Variants in ASB3 observed in about 807,000 individuals in gnomAD.
The protein encoded by ASB3 is ankyrin repeat and SOCS box protein 3.
Under a neutral mutation model 54.5 loss-of-function variants are expected in ASB3, and 41 were observed. The observed-to-expected ratio is 0.75, with a 90% CI of 0.59 to 0.98. The LOEUF is 0.98. ASB3 is among the 50% of genes least tolerant of loss of function. The probability of loss-of-function intolerance (pLI) is 0.00; values close to 1 mark genes in which losing one functional copy is unlikely to be tolerated. For missense variants in ASB3, 733 were observed against 620.0 expected, an observed-to-expected ratio of 1.18 and a Z score of -1.94; for synonymous variants, 266 against 221.2, an observed-to-expected ratio of 1.20 and a Z score of -1.80.
At chr2:53,712,365 G>A (rs570194998) in intron 7 of ASB3, among the ~76,000 whole-genome samples, 1 of 152,250 alleles carries the variant, frequency 6.6e-6, no homozygotes, top group Non-Finnish European at 1.5e-5. Flanking sequence ...AGTTTAACAG[G>A]ATCTATTTAG....
chr2:53,780,283 C>T (rs945476352), intron 1 of ASB3, among the ~76,000 whole-genome samples: 7 of 152,074 alleles, frequency 4.6e-5, no homozygotes, highest in Non-Finnish European at 1.0e-4. Context: ...ACTCCCCTGC[C>T]CCTCATGCTC....
intron 7 of ASB3, among the ~76,000 whole-genome samples, chr2:53,712,780 G>A (rs3770401): frequency 0.088 from 13,432 of 152,084 alleles, 638 homozygotes; most frequent in East Asian, 0.17. Flanking sequence ...GCGCGCGCGC[G>A]CGCGCAATCC....
intron 8 of ASB3, among the ~76,000 whole-genome samples, chr2:53,698,375 T>C (rs1450137522): frequency 1.3e-5 from 2 of 152,218 alleles, no homozygotes; most frequent in Non-Finnish European, 2.9e-5. Flanking sequence ...GTTCCTCTCC[T>C]GAAAATTCTC....
chr2:53,764,975 T>A (rs926139208), intron 2 of ASB3, among the ~76,000 whole-genome samples: 1 of 152,224 alleles, frequency 6.6e-6, no homozygotes, highest in Non-Finnish European at 1.5e-5. Flanking sequence ...CCCAAAAGTA[T>A]TAAAAAGTGT....
At chr2:53,734,465 C>G (rs1378415620) in intron 3 of ASB3, among the ~76,000 whole-genome samples, 1 of 152,208 alleles carries the variant, frequency 6.6e-6, no homozygotes, top group Non-Finnish European at 1.5e-5. Flanking sequence ...CATTTTCCCA[C>G]AAATCACTCA....
At chr2:53,714,625 G>C (rs760526270) in intron 6 of ASB3, 44 bp from the exon 7 acceptor site, 2 of 1,581,286 alleles carry the variant, frequency 1.3e-6, no homozygotes, top group Admixed American at 1.9e-5. Flanking sequence ...TTGTATATGT[G>C]CATAAATGTA....
chr2:53,682,211 G>A (rs930983180), intron 9 of ASB3, among the ~76,000 whole-genome samples: 1 of 151,424 alleles, frequency 6.6e-6, no homozygotes, highest in Non-Finnish European at 1.5e-5. Flanking sequence ...TGTGAAGAAT[G>A]TCATTGGTAT....
At chr2:53,772,320 G>A (rs929753657) in intron 1 of ASB3, among the ~76,000 whole-genome samples, 4 of 152,002 alleles carry the variant, frequency 2.6e-5, no homozygotes, top group East Asian at 3.9e-4. Flanking sequence ...GACTACAGGC[G>A]CCCGCCACCA....
At chr2:53,757,087 C>G (rs564753903) in intron 2 of ASB3, 1 of 156,724 alleles carries the variant, frequency 6.4e-6, no homozygotes, top group South Asian at 1.9e-4. Context: ...AACAAGGACC[C>G]CCCAGTAACA....
Position 53,728,743 on chromosome 2 carries a change from C to T in ASB3, c.573G>A (p.Lys191=). Residue 191 remains lysine, a synonymous_variant, in exon 5 of 10, where the codon AAG becomes AAA. Coordinates refer to ENST00000263634, the MANE Select transcript of ASB3 (RefSeq NM_016115.5). Reference sequence around the variant, plus strand: ...AAATAAGTATGCTCAAGCTTTCTAGCTTGCCATACTGAGCAGCCACAAATA... The same window carrying T: ...AAATAAGTATGCTCAAGCTTTCTAGTTTGCCATACTGAGCAGCCACAAATA... ...TPLFVAAQYG[K]LESLSILISS... The T allele has an allele frequency of 6.2e-7, 1 of 1,609,528 alleles. No individual in the cohort carries two copies. Among genetic ancestry groups the T allele is most frequent in the South Asian group, 1.1e-5 (1 of 90,174 alleles).
At chr2:53,730,263 T>A in intron 3 of ASB3, among the ~76,000 whole-genome samples, 1 of 152,132 alleles carries the variant, frequency 6.6e-6, no homozygotes, top group East Asian at 1.9e-4. Flanking sequence ...CTTTATAAAA[T>A]AAGTACAAAC....
At chr2:53,736,373 A>C (rs1176096417) in intron 3 of ASB3, among the ~76,000 whole-genome samples, 1 of 152,198 alleles carries the variant, frequency 6.6e-6, no homozygotes, top group African/African-American at 2.4e-5. Flanking sequence ...TGGAACTATC[A>C]TATCCAGGTG....
At chr2:53,761,050 G>A (rs768593501) in intron 2 of ASB3, among the ~76,000 whole-genome samples, 26 of 152,244 alleles carry the variant, frequency 1.7e-4, no homozygotes, top group Non-Finnish European at 2.4e-4. Flanking sequence ...AAGAGCAGTC[G>A]TCGGCCAACC....
At position 53,684,822 on chromosome 2, in the gene ASB3, C is replaced by T. The variant is rs375871207; in HGVS notation, c.1369+9062G>A. 9.2e-5 allele frequency among the ~76,000 whole-genome samples: 14 copies of T among 152,100 alleles called. No individual in the cohort carries two copies. In the East Asian group the frequency reaches 2.5e-3, roughly 27 times the overall value. On this transcript the variant is annotated intron_variant, in intron 9 of 9. Coordinates refer to ENST00000263634, the MANE Select transcript of ASB3 (RefSeq NM_016115.5). Reference sequence around the variant, plus strand: ...AAACCTAATGAGACCCTTAATGTAGCCAATATGTAAAAGAGAGAGGAAATG... The same window carrying T: ...AAACCTAATGAGACCCTTAATGTAGTCAATATGTAAAAGAGAGAGGAAATG...
At chr2:53,721,519 C>T (rs1424409244) in intron 5 of ASB3, among the ~76,000 whole-genome samples, 1 of 151,930 alleles carries the variant, frequency 6.6e-6, no homozygotes, top group South Asian at 2.1e-4. Flanking sequence ...TGCGGTGAGC[C>T]TAGATGGTGC....
chr2:53,769,909 A>T (rs1673776553), intron 1 of ASB3, among the ~76,000 whole-genome samples: 1 of 152,238 alleles, frequency 6.6e-6, no homozygotes, highest in African/African-American at 2.4e-5. Context: ...ACTGCACTTA[A>T]TACCATACAT....
Position 53,746,511 on chromosome 2 carries a change from ATTG to A in ASB3, c.355+4269_355+4271del, listed in dbSNP as rs374269171. ...TTTTTTTTTTTTTTGAGACAGAGTT[ATTG>A]TTGTCCAAGCTGGAGTGCAATGGCG... is the stretch of plus-strand genomic sequence containing the variant. On this transcript the variant is annotated intron_variant, in intron 3 of 9. Coordinates refer to ENST00000263634, the MANE Select transcript of ASB3 (RefSeq NM_016115.5). 4.9e-4 allele frequency among the ~76,000 whole-genome samples: 66 copies of A among 134,438 alleles called. 1 individual carries two copies. In the East Asian group the frequency reaches 0.013, roughly 27 times the overall value. 88.2% of individuals were successfully genotyped at this position (134,438 alleles called of 152,430 possible).
At chr2:53,710,409 G>C (rs1670029679) in intron 7 of ASB3, among the ~76,000 whole-genome samples, 2 of 152,038 alleles carry the variant, frequency 1.3e-5, no homozygotes, top group South Asian at 4.1e-4. Flanking sequence ...CAGTGTGTTA[G>C]CCTCATGAAG....
chr2:53,697,104 T>C (rs1245662261), intron 8 of ASB3, among the ~76,000 whole-genome samples: 1 of 152,186 alleles, frequency 6.6e-6, no homozygotes, highest in African/African-American at 2.4e-5. Context: ...AAAACGAAGA[T>C]GGTGATGAAA....
Sources: allele counts gnomAD v4.1 joint callset (sites outside exome capture counted in the v4.1 genomes callset), GRCh38; gene constraint gnomAD v4.1.1; transcripts MANE v1.5; gene names NCBI Gene and HGNC (gene_info 2026-07-23, HGNC 2026-07-21).